The following FAM107B variants were observed in gnomAD, a reference collection of about 807,000 sequenced individuals.
The protein encoded by FAM107B is protein FAM107B.
A neutral mutation model predicts 31.5 loss-of-function variants in FAM107B; 21 were observed. The observed-to-expected ratio is 0.67, with a 90% CI of 0.47 to 0.96. The LOEUF is 0.96. FAM107B is among the 40% of genes least tolerant of loss of function. The probability of loss-of-function intolerance (pLI) is 0.00; values close to 1 mark genes in which losing one functional copy is unlikely to be tolerated. For synonymous variants in FAM107B, 157 were observed against 141.5 expected (o/e 1.11, Z -0.78); for missense variants, 452 against 377.1 (o/e 1.20, Z -1.64).
At chr10:14,723,187 G>C in intron 1 of FAM107B, 9 of 518,552 alleles carry the variant, frequency 1.7e-5, no homozygotes, top group Non-Finnish European at 3.4e-5. Flanking sequence ...TTCAGTGGTT[G>C]CTCCTAACCA....
intron 1 of FAM107B, among the ~76,000 whole-genome samples, chr10:14,690,057 C>T (rs567138742): frequency 1.4e-5 from 2 of 146,698 alleles, no homozygotes; most frequent in African/African-American, 2.6e-5. Flanking sequence ...GAGGGAGACA[C>T]CTGTCATCTC....
At chr10:14,527,003 A>G in intron 3 of FAM107B, among the ~76,000 whole-genome samples, 1 of 151,958 alleles carries the variant, frequency 6.6e-6, no homozygotes, top group East Asian at 1.9e-4. Context: ...ACGCCCAGCT[A>G]ATTTTTTATA....
At chr10:14,559,065 C>T (rs1849971296) in intron 2 of FAM107B, among the ~76,000 whole-genome samples, 1 of 146,544 alleles carries the variant, frequency 6.8e-6, no homozygotes, top group Non-Finnish European at 1.5e-5. Flanking sequence ...GGCTTTCAAC[C>T]ACGGCTCACA....
At position 14,553,206 on chromosome 10, in the gene FAM107B, TACAAATTAA is replaced by T. The variant is rs1849415905; in HGVS notation, c.470-22700_470-22692del. ...ACCTGTGTGTGAATGAGGGAGAGAA[TACAAATTAA>T]AGATGACTTCAATAATTATATCTGT... On this transcript the variant is annotated intron_variant, in intron 2 of 4. Transcript: ENST00000181796. 18 of 346,388 alleles carry T rather than the reference TACAAATTAA, an allele frequency of 5.2e-5. No individual in the cohort carries two copies. In the South Asian group the frequency reaches 6.2e-4, roughly 12 times the overall value. The allele number at this position is 346,388 out of a possible 1,614,324, so 21.5% of individuals were successfully genotyped here.
intron 1 of FAM107B, among the ~76,000 whole-genome samples, chr10:14,697,995 C>T (rs553225069): frequency 7.9e-5 from 12 of 152,108 alleles, no homozygotes; most frequent in South Asian, 2.1e-4. Flanking sequence ...CTAGGTGGCA[C>T]GTGCCTGTAG....
At chr10:14,669,892 T>G (rs1229629161) in intron 1 of FAM107B, among the ~76,000 whole-genome samples, 2 of 152,350 alleles carry the variant, frequency 1.3e-5, no homozygotes, top group African/African-American at 4.8e-5. Flanking sequence ...TTAACAACAA[T>G]GTATTGCATA....
chr10:14,591,373 G>A (rs544935002), intron 2 of FAM107B, among the ~76,000 whole-genome samples: 1 of 152,286 alleles, frequency 6.6e-6, no homozygotes, highest in African/African-American at 2.4e-5. Context: ...ACAGAAGACC[G>A]TGCAAACGGT....
intron 2 of FAM107B, among the ~76,000 whole-genome samples, chr10:14,559,109 A>AC (rs923266324): frequency 2.9e-5 from 2 of 69,602 alleles, no homozygotes; most frequent in African/African-American, 4.1e-5. Flanking sequence ...CAAAAAAAAA[A>AC]AAAAAAAACA....
At chr10:14,536,950 T>C (rs997624700) in intron 2 of FAM107B, among the ~76,000 whole-genome samples, 8 of 152,108 alleles carry the variant, frequency 5.3e-5, no homozygotes, top group Admixed American at 2.6e-4. Flanking sequence ...CCCCCGAAAA[T>C]GTATTTTTAC....
At chr10:14,766,402 C>T (rs1401355676) in intron 1 of FAM107B, among the ~76,000 whole-genome samples, 2 of 152,224 alleles carry the variant, frequency 1.3e-5, no homozygotes, top group Admixed American at 1.3e-4. Context: ...CCTGAGTTTC[C>T]CATGCTGCTT....
intron 1 of FAM107B, among the ~76,000 whole-genome samples, chr10:14,713,466 G>T (rs74122960): frequency 0.13 from 19,430 of 152,068 alleles, 1,599 homozygotes; most frequent in African/African-American, 0.23. Context: ...GAACTGGCAC[G>T]AATCTCTTGC....
intron 2 of FAM107B, among the ~76,000 whole-genome samples, chr10:14,639,721 C>T (rs1052264818): frequency 1.3e-5 from 2 of 152,072 alleles, no homozygotes; most frequent in Admixed American, 1.3e-4. Flanking sequence ...ATAGACTGCC[C>T]CCATCTTGGA....
intron 1 of FAM107B, among the ~76,000 whole-genome samples, chr10:14,759,774 C>T (rs1401405481): frequency 1.3e-5 from 2 of 151,232 alleles, no homozygotes; most frequent in South Asian, 2.1e-4. Context: ...TGCAGTAGTG[C>T]GATCTCGGTT....
At chr10:14,588,460 C>T (rs765223894) in intron 2 of FAM107B, among the ~76,000 whole-genome samples, 7 of 152,176 alleles carry the variant, frequency 4.6e-5, no homozygotes, top group African/African-American at 1.4e-4. Flanking sequence ...ACCACGCCCA[C>T]GTGAAAGTCT....
chr10:14,618,929 G>A (rs1852922880), intron 2 of FAM107B, among the ~76,000 whole-genome samples: 1 of 152,188 alleles, frequency 6.6e-6, no homozygotes. Context: ...CTCATAAGAG[G>A]AGACGAGACA....
At chr10:14,570,832 C>T (rs1445981196) in intron 2 of FAM107B, among the ~76,000 whole-genome samples, 1 of 147,510 alleles carries the variant, frequency 6.8e-6, no homozygotes, top group Non-Finnish European at 1.5e-5. Context: ...AAACTCAGCA[C>T]ATATCAGTGT....
intron 2 of FAM107B, among the ~76,000 whole-genome samples, chr10:14,548,835 C>A (rs1316899996): frequency 4.6e-5 from 3 of 64,526 alleles, no homozygotes; most frequent in Non-Finnish European, 6.9e-5. Context: ...CGCACACACA[C>A]GCACACACAC....
intron 2 of FAM107B, among the ~76,000 whole-genome samples, chr10:14,636,613 T>C (rs1372356467): frequency 6.6e-6 from 1 of 151,824 alleles, no homozygotes; most frequent in African/African-American, 2.4e-5. Flanking sequence ...GATTTTAACT[T>C]AATCACTTCT....
intron 1 of FAM107B, among the ~76,000 whole-genome samples, chr10:14,767,718 T>A (rs1044806119): frequency 6.6e-6 from 1 of 152,172 alleles, no homozygotes; most frequent in South Asian, 2.1e-4. Context: ...AGCCTCACAT[T>A]TAATGGTGAA....
Sources: allele counts gnomAD v4.1 joint callset (sites outside exome capture counted in the v4.1 genomes callset), GRCh38; gene constraint gnomAD v4.1.1; transcripts MANE v1.5; gene names NCBI Gene and HGNC (gene_info 2026-07-23, HGNC 2026-07-21).